The following DYNC2I2 variants were observed in gnomAD, a reference collection of about 807,000 sequenced individuals.
The protein encoded by DYNC2I2 is cytoplasmic dynein 2 intermediate chain 2.
A neutral mutation model predicts 52.0 loss-of-function variants in DYNC2I2; 39 were observed. That is an observed-to-expected ratio of 0.75 (90% confidence interval 0.58 to 0.98). The LOEUF is 0.98. Ranked by LOEUF, DYNC2I2 falls within the 50% of genes least tolerant of loss-of-function variation. The pLI, the probability that DYNC2I2 is intolerant of heterozygous loss-of-function variation, is 0.00. For synonymous variants in DYNC2I2, 359 were observed against 321.1 expected, an observed-to-expected ratio of 1.12 and a Z score of -1.26; for missense variants, 743 against 728.4, an observed-to-expected ratio of 1.02 and a Z score of -0.23.
chr9:128,634,131 T>C (rs1041944667), intron 8 of DYNC2I2, 95 bp downstream of exon 8: 16 of 1,575,492 alleles, frequency 1.0e-5, no homozygotes, highest in Non-Finnish European at 1.2e-5. Flanking sequence ...CTTACCCCCA[T>C]GTGTGGTCTT....
At chr9:128,641,441 T>A (rs1210565002) in intron 1 of DYNC2I2, among the ~76,000 whole-genome samples, 1 of 152,088 alleles carries the variant, frequency 6.6e-6, no homozygotes, top group African/African-American at 2.4e-5. Flanking sequence ...AGCTGCTAGG[T>A]GGGAGGCAGA....
chr9:128,669,860 T>G, the DYNC2I2 span, among the ~76,000 whole-genome samples: 7 of 152,178 alleles, frequency 4.6e-5, no homozygotes, highest in Non-Finnish European at 1.0e-4. Context: ...TTTGTATTTT[T>G]AGTAAAGACG....
At chr9:128,655,355 A>AAAAAAAAAT (rs2132186237) in intron 1 of DYNC2I2, among the ~76,000 whole-genome samples, 1 of 137,514 alleles carries the variant, frequency 7.3e-6, no homozygotes, top group African/African-American at 2.6e-5. Flanking sequence ...AAAAAAAAAA[A>AAAAAAAAAT]AAAAAATTAG....
chr9:128,681,659 AG>A, the DYNC2I2 span, among the ~76,000 whole-genome samples: 1 of 152,194 alleles, frequency 6.6e-6, no homozygotes, highest in African/African-American at 2.4e-5. Context: ...TTTCCACCTT[AG>A]TTGTACCAAT....
intron 7 of DYNC2I2, 111 bp from the exon 8 acceptor site, chr9:128,634,494 G>A (rs986345731): frequency 2.1e-6 from 3 of 1,427,632 alleles, no homozygotes; most frequent in Admixed American, 5.0e-5. Flanking sequence ...GAGCCTCCCG[G>A]GTCCCTCAGC....
chr9:128,679,560 C>T, the DYNC2I2 span, among the ~76,000 whole-genome samples: 5 of 151,998 alleles, frequency 3.3e-5, no homozygotes, highest in East Asian at 7.7e-4. Context: ...ACCTCCCGGG[C>T]TCAAGCCATC....
the DYNC2I2 span, among the ~76,000 whole-genome samples, chr9:128,675,467 A>G: frequency 6.6e-6 from 1 of 152,190 alleles, no homozygotes; most frequent in Admixed American, 6.6e-5. Context: ...GGCATGAGCC[A>G]CCGAGCCTGG....
chr9:128,673,193 T>G, the DYNC2I2 span, among the ~76,000 whole-genome samples: 24 of 152,304 alleles, frequency 1.6e-4, no homozygotes, highest in African/African-American at 4.8e-4. Flanking sequence ...TTTTCACCTT[T>G]GAGGCTTAAA....
chr9:128,656,561 G>C lies in DYNC2I2; in HGVS notation c.166C>G (p.Gln56Glu). 1 of 1,463,776 alleles carries C rather than the reference G, an allele frequency of 6.8e-7. No homozygotes were observed. The highest frequency in any genetic ancestry group is 9.0e-7 in the Non-Finnish European group (1 of 1,114,844). 90.7% of individuals were successfully genotyped at this position (1,463,776 alleles called of 1,614,324 possible). A position where few individuals can be genotyped will look rare whatever the true frequency, so the allele number is the denominator to read the frequency against. ...ASVPSQWRAVQGIRWETKSCQ... is the reference protein window; with the variant it reads ...ASVPSQWRAVEGIRWETKSCQ... ...CTCACCGTCTCCCAGCGGATGCCCTGGACGGCCCTCCACTGCGAGGGCACG... is the reference window on the plus strand; with the variant it reads ...CTCACCGTCTCCCAGCGGATGCCCTCGACGGCCCTCCACTGCGAGGGCACG... Residue 56 changes from glutamine to glutamate, a missense_variant, in exon 1 of 9, where the codon CAG becomes GAG. Transcript: ENST00000372715.
intron 4 of DYNC2I2, 45 bp from the exon 5 acceptor site, chr9:128,635,812 G>C (rs775753698): frequency 6.5e-7 from 1 of 1,549,536 alleles, no homozygotes; most frequent in East Asian, 2.3e-5. Context: ...CCCACCCCCA[G>C]CCTGACTTCC....
rs1481065846 is a variant in DYNC2I2, at chr9:128,640,711, A to G, written c.415T>C (p.Trp139Arg). ...CCTACCATCTGCTGCTGCTCGGTCC[A>G]GTTCACCTCGAAGCCATCAAACGCG... ...SHAFDGFEVN[W>R]TEQQQMVSCL... Residue 139 changes from tryptophan to arginine, a missense_variant, in exon 2 of 9, where the codon TGG (tryptophan) becomes CGG (arginine). Transcript: ENST00000372715. 1 of 1,614,146 alleles carries G rather than the reference A, an allele frequency of 6.2e-7. No homozygotes were observed. The highest frequency in any genetic ancestry group is 8.5e-7 in the Non-Finnish European group (1 of 1,180,004).
In DYNC2I2 at chr9:128,634,909, C is replaced by G. The variant is rs1335102576; in HGVS notation, c.994G>C (p.Glu332Gln). 6.2e-7 allele frequency: 1 copy of G among 1,612,428 alleles called. No individual in the cohort carries two copies. The highest frequency in any genetic ancestry group is 2.2e-5 in the East Asian group (1 of 44,836). Residue 332 changes from glutamate (E) to glutamine (Q), a missense_variant, in exon 7 of 9, where the codon GAG becomes CAG. Glu to Gln is a conservative substitution (Grantham distance 29). Coordinates refer to ENST00000372715, the MANE Select transcript of DYNC2I2 (RefSeq NM_052844.4). ...ACTGCCGTGGCGCCCACCTCGGTCT[C>G]CCCGCGGGGATGCTGTGGAGAAATG... Reference protein sequence around the residue: ...STKLKKHPRGETEVGATAVAF... With the variant: ...STKLKKHPRGQTEVGATAVAF...
the DYNC2I2 span, among the ~76,000 whole-genome samples, chr9:128,679,617 TTA>T: frequency 6.6e-6 from 1 of 151,980 alleles, no homozygotes; most frequent in Admixed American, 6.6e-5. Flanking sequence ...TCACATGCCT[TTA>T]TGTTTGGCTA....
At chr9:128,678,217 G>A in the DYNC2I2 span, among the ~76,000 whole-genome samples, 2 of 150,592 alleles carry the variant, frequency 1.3e-5, no homozygotes, top group African/African-American at 2.4e-5. Context: ...TTACAGGCAT[G>A]TGCACCACGC....
At chr9:128,641,830 C>T (rs1860519140) in intron 1 of DYNC2I2, among the ~76,000 whole-genome samples, 1 of 152,060 alleles carries the variant, frequency 6.6e-6, no homozygotes, top group East Asian at 1.9e-4. Flanking sequence ...TGGTACCCAC[C>T]CTCACCTCCA....
chr9:128,654,560 T>G (rs931319900), intron 1 of DYNC2I2, among the ~76,000 whole-genome samples: 1 of 151,742 alleles, frequency 6.6e-6, no homozygotes, highest in Non-Finnish European at 1.5e-5. Flanking sequence ...TGCACTGACC[T>G]TTTTTTCCCC....
chr9:128,674,463 G>A, the DYNC2I2 span, among the ~76,000 whole-genome samples: 21 of 151,270 alleles, frequency 1.4e-4, no homozygotes, highest in Admixed American at 5.9e-4. Flanking sequence ...AAAAATTTTG[G>A]CCTGGCGTGG....
chr9:128,634,144 C>T lies in DYNC2I2; in HGVS notation c.1372+82G>A, dbSNP rs534551977. ...TCCTTACCCCCATGTGTGGTCTTTT[C>T]CCCAACCCAGAACCCCAGGTACAAG... On this transcript the variant is annotated intron_variant, in intron 8 of 8. Transcript: ENST00000372715. 4.4e-4 allele frequency: 705 copies of T among 1,589,320 alleles called. 5 individuals are homozygous for T. In the South Asian group the frequency reaches 7.7e-3, roughly 17 times the overall value.
chr9:128,648,391 A>G (rs572838253), intron 1 of DYNC2I2, among the ~76,000 whole-genome samples: 2 of 152,146 alleles, frequency 1.3e-5, no homozygotes, highest in Non-Finnish European at 2.9e-5. Flanking sequence ...TGGGCAACAG[A>G]GCCAGACTCC....
Sources: gnomAD v4.1 joint callset for allele counts (sites outside exome capture counted in the v4.1 genomes callset) on GRCh38, gnomAD v4.1.1 for gene constraint, MANE v1.5 for transcripts, NCBI Gene and HGNC (gene_info 2026-07-23, HGNC 2026-07-21) for gene names.